TENM4: variants seen among roughly 807,000 people sequenced by gnomAD.
The protein encoded by TENM4 is teneurin-4.
A neutral mutation model predicts 243.3 loss-of-function variants in TENM4; 82 were observed. The ratio of observed to expected loss-of-function variants is 0.34; its 90% CI spans 0.28 to 0.40. TENM4 has a LOEUF of 0.40. TENM4 is among the 10% of genes least tolerant of loss of function. The probability of loss-of-function intolerance (pLI) is 1.00; values close to 1 mark genes in which losing one functional copy is unlikely to be tolerated. For missense variants in TENM4, 3,138 were observed against 3,673.3 expected, an observed-to-expected ratio of 0.85 and a Z score of 3.77; for synonymous variants, 1,412 against 1,456.3, an observed-to-expected ratio of 0.97 and a Z score of 0.69.
chr11:78,691,175 C>T (rs972451703), intron 28 of TENM4, among the ~76,000 whole-genome samples: 5 of 152,138 alleles, frequency 3.3e-5, no homozygotes, highest in African/African-American at 7.2e-5. Flanking sequence ...ATGTACAAGT[C>T]GTCCCCCTCT....
At chr11:78,930,115 T>A (rs565095734) in intron 6 of TENM4, among the ~76,000 whole-genome samples, 2 of 152,354 alleles carry the variant, frequency 1.3e-5, no homozygotes, top group Admixed American at 6.5e-5. Context: ...GTTAATGTCC[T>A]GGTTAAATGC....
chr11:79,394,943 C>G (rs1280254671), intron 1 of TENM4, among the ~76,000 whole-genome samples: 2 of 152,224 alleles, frequency 1.3e-5, no homozygotes, highest in Non-Finnish European at 2.9e-5. Flanking sequence ...AGGAACCAGA[C>G]AGAGGCATGG....
At chr11:79,425,333 A>G (rs182618799) in intron 1 of TENM4, among the ~76,000 whole-genome samples, 3 of 152,198 alleles carry the variant, frequency 2.0e-5, no homozygotes, top group Non-Finnish European at 1.5e-5. Flanking sequence ...TCCTCCAATG[A>G]CAGGGAGCTC....
chr11:78,955,566 A>G (rs968456635), intron 6 of TENM4, among the ~76,000 whole-genome samples: 6 of 150,256 alleles, frequency 4.0e-5, no homozygotes, highest in African/African-American at 1.5e-4. Context: ...ATCAAGCCAT[A>G]CATGGAAAAG....
At chr11:78,728,242 C>G (rs73496549) in intron 22 of TENM4, among the ~76,000 whole-genome samples, 3,102 of 152,310 alleles carry the variant, frequency 0.02, 107 homozygotes, top group African/African-American at 0.072. Flanking sequence ...TAGGAAAGAT[C>G]TGGAATAAAT....
chr11:78,818,335 G>A lies in TENM4; in HGVS notation c.1682-3940C>T, dbSNP rs938420111. Among the ~76,000 whole-genome samples, 4 of 152,248 alleles carry A rather than the reference G, an allele frequency of 2.6e-5. 1 individual carries two copies. The highest frequency in any genetic ancestry group is 3.4e-3 in the Middle Eastern group (1 of 294). ...AGATACAACCTGTTTATCATCTGCC[G>A]AAAAGCCTTCATAGTGAGAAAGGGA... On this transcript the variant is annotated intron_variant, in intron 12 of 33. Coordinates refer to ENST00000278550, the MANE Select transcript of TENM4 (RefSeq NM_001098816.3).
In TENM4 at chr11:78,672,252, C is replaced by T. The variant is rs1452554531; in HGVS notation, c.5574G>A (p.Lys1858=). 17 of 1,613,948 alleles carry T rather than the reference C, an allele frequency of 1.1e-5. No homozygotes were observed. Among genetic ancestry groups the T allele is most frequent in the Middle Eastern group, 3.3e-4 (2 of 6,084 alleles). Residue 1858 remains lysine (K), a synonymous_variant, in exon 31 of 34, where the codon AAG becomes AAA. Coordinates refer to ENST00000278550, the MANE Select transcript of TENM4 (RefSeq NM_001098816.3). ...GGTCGTACAGAATCCGAAGGGTGAA[C>T]TTGCGGTGGTCATCATAGATCTTCT... ...RTEKIYDDHR[K]FTLRILYDQA... is the part of the protein sequence containing the mutation.
intron 4 of TENM4, among the ~76,000 whole-genome samples, chr11:79,108,535 T>C (rs1380508732): frequency 6.6e-6 from 1 of 152,158 alleles, no homozygotes; most frequent in Non-Finnish European, 1.5e-5. Context: ...AACATATATA[T>C]GTAGGTATAC....
chr11:79,163,417 A>C (rs906061748), intron 3 of TENM4, among the ~76,000 whole-genome samples: 1 of 151,982 alleles, frequency 6.6e-6, no homozygotes, highest in Non-Finnish European at 1.5e-5. Flanking sequence ...TTTTTTTAAT[A>C]GTTTTTTTGG....
At chr11:79,160,157 T>G (rs1227718149) in intron 3 of TENM4, among the ~76,000 whole-genome samples, 1 of 152,158 alleles carries the variant, frequency 6.6e-6, no homozygotes, top group Non-Finnish European at 1.5e-5. Flanking sequence ...AGAGCCTCCA[T>G]CATGGCTGGG....
At chr11:78,667,721 T>G (rs1196304071) in intron 32 of TENM4, among the ~76,000 whole-genome samples, 1 of 152,098 alleles carries the variant, frequency 6.6e-6, no homozygotes, top group Admixed American at 6.5e-5. Context: ...CCTGAAACAG[T>G]GGCTGCACAG....
At chr11:78,751,212 G>A (rs1053439242) in intron 19 of TENM4, among the ~76,000 whole-genome samples, 2 of 152,038 alleles carry the variant, frequency 1.3e-5, no homozygotes, top group Non-Finnish European at 2.9e-5. Context: ...TCTGTCCCTC[G>A]CTAAGCCTGC....
chr11:79,016,106 G>C (rs1858767713), intron 6 of TENM4, among the ~76,000 whole-genome samples: 1 of 152,202 alleles, frequency 6.6e-6, no homozygotes, highest in Non-Finnish European at 1.5e-5. Context: ...AGTATTGTAG[G>C]CATGGTCAAA....
At chr11:78,809,448 T>A (rs1196048372) in intron 14 of TENM4, among the ~76,000 whole-genome samples, 1 of 152,202 alleles carries the variant, frequency 6.6e-6, no homozygotes, top group Non-Finnish European at 1.5e-5. Context: ...ACTGATCCTA[T>A]AGGGCCAGTA....
intron 25 of TENM4, among the ~76,000 whole-genome samples, chr11:78,718,468 G>A (rs906941278): frequency 6.6e-6 from 1 of 152,022 alleles, no homozygotes; most frequent in Admixed American, 6.6e-5. Context: ...AACCAGAAAC[G>A]CCAGGTAACC....
intron 1 of TENM4, among the ~76,000 whole-genome samples, chr11:79,392,114 G>C (rs1240093032): frequency 6.6e-6 from 1 of 152,224 alleles, no homozygotes; most frequent in Non-Finnish European, 1.5e-5. Context: ...GTCAAGGACA[G>C]CCAACATCCA....
intron 3 of TENM4, among the ~76,000 whole-genome samples, chr11:79,193,961 C>T (rs1312269137): frequency 1.3e-5 from 2 of 151,926 alleles, no homozygotes; most frequent in African/African-American, 4.8e-5. Flanking sequence ...GTGTCTCCAC[C>T]CAAATCTCAG....
At chr11:78,924,027 G>A (rs941979300) in intron 6 of TENM4, among the ~76,000 whole-genome samples, 1 of 148,364 alleles carries the variant, frequency 6.7e-6, no homozygotes, top group African/African-American at 2.5e-5. Flanking sequence ...GCTTATTTTT[G>A]TATTTTTAGT....
intron 6 of TENM4, among the ~76,000 whole-genome samples, chr11:79,050,265 C>CT (rs1859761530): frequency 6.6e-6 from 1 of 152,164 alleles, no homozygotes; most frequent in Admixed American, 6.5e-5. Context: ...GTGACACGAT[C>CT]TTTTTTCAAA....
Sources: allele counts gnomAD v4.1 joint callset (sites outside exome capture counted in the v4.1 genomes callset), GRCh38; gene constraint gnomAD v4.1.1; transcripts MANE v1.5; gene names NCBI Gene and HGNC (gene_info 2026-07-23, HGNC 2026-07-21).